HMGA2: variants seen among roughly 807,000 people sequenced by gnomAD.
HMGA2 encodes high mobility group protein HMGI-C.
A neutral mutation model predicts 19.1 loss-of-function variants in HMGA2; 8 were observed. The observed-to-expected ratio is 0.42, with a 90% CI of 0.25 to 0.76. HMGA2 has a LOEUF of 0.76. Among genes scored for constraint, HMGA2 ranks in the 30% least tolerant of loss-of-function variants. The pLI is 0.28. For missense variants in HMGA2, 109 were observed against 136.3 expected, an observed-to-expected ratio of 0.80 and a Z score of 1.00; for synonymous variants, 60 against 48.8, an observed-to-expected ratio of 1.23 and a Z score of -0.96.
At chr12:65,845,168 T>A (rs1209278892) in intron 3 of HMGA2, among the ~76,000 whole-genome samples, 1 of 152,238 alleles carries the variant, frequency 6.6e-6, no homozygotes, top group Non-Finnish European at 1.5e-5. Context: ...CACGTTTTTT[T>A]AACTAGGTAA....
chr12:65,933,877 G>C (rs1344963802), intron 3 of HMGA2, among the ~76,000 whole-genome samples: 1 of 152,154 alleles, frequency 6.6e-6, no homozygotes, highest in Non-Finnish European at 1.5e-5. Context: ...CACCATAATA[G>C]AGTGAAGAAA....
intron 3 of HMGA2, among the ~76,000 whole-genome samples, chr12:65,949,410 C>T (rs759107895): frequency 2.6e-5 from 4 of 151,976 alleles, no homozygotes; most frequent in Non-Finnish European, 5.9e-5. Context: ...GAATAGTGAA[C>T]GTATCCTAAG....
chr12:65,865,719 C>T (rs1232960649), intron 3 of HMGA2, among the ~76,000 whole-genome samples: 1 of 150,282 alleles, frequency 6.7e-6, no homozygotes, highest in Non-Finnish European at 1.5e-5. Context: ...ACTGCAAACT[C>T]CGTCTCCCAG....
chr12:65,867,373 G>A (rs1592401733), intron 3 of HMGA2: 1 of 362,004 alleles, frequency 2.8e-6, no homozygotes, highest in East Asian at 7.3e-5. Flanking sequence ...GAACTTCTAG[G>A]AACTTAATCT....
chr12:65,838,986 C>CTTT (rs1236837070), intron 3 of HMGA2, among the ~76,000 whole-genome samples: 13 of 91,350 alleles, frequency 1.4e-4, no homozygotes, highest in African/African-American at 2.1e-4. Flanking sequence ...CTTTTTCTTT[C>CTTT]TTTTTCTTTT....
chr12:65,849,727 A>G (rs963156385), intron 3 of HMGA2, among the ~76,000 whole-genome samples: 1 of 129,308 alleles, frequency 7.7e-6, no homozygotes, highest in African/African-American at 3.3e-5. Flanking sequence ...AGACAATGGT[A>G]GGCTCTGTAT....
At chr12:65,941,144 A>G (rs893093764) in intron 3 of HMGA2, among the ~76,000 whole-genome samples, 2 of 152,248 alleles carry the variant, frequency 1.3e-5, no homozygotes, top group African/African-American at 4.8e-5. Flanking sequence ...TGAGTAAGGT[A>G]GTTCAAGACA....
At chr12:65,836,354 G>A (rs371732269) in intron 2 of HMGA2, among the ~76,000 whole-genome samples, 1 of 142,578 alleles carries the variant, frequency 7.0e-6, no homozygotes, top group Admixed American at 6.9e-5. Flanking sequence ...GCGAGACTCC[G>A]TCTCAAAAAG....
intron 3 of HMGA2, chr12:65,914,802 G>A (rs1221815099): frequency 2.4e-6 from 1 of 415,202 alleles, no homozygotes; most frequent in Non-Finnish European, 4.6e-6. Flanking sequence ...AGGCTCCTGA[G>A]TAGTTGGGAT....
intron 3 of HMGA2, among the ~76,000 whole-genome samples, chr12:65,929,979 G>C (rs1875648722): frequency 6.6e-6 from 1 of 152,112 alleles, no homozygotes; most frequent in Non-Finnish European, 1.5e-5. Flanking sequence ...AAGAACTGTA[G>C]AGGGGGGAAA....
At chr12:65,851,666 A>G (rs1333711461) in intron 3 of HMGA2, 2 of 444,366 alleles carry the variant, frequency 4.5e-6, no homozygotes, top group Non-Finnish European at 9.0e-6. Context: ...TCTCAAAACA[A>G]CAACAACAAC....
At chr12:65,870,276 C>G (rs73327469) in intron 3 of HMGA2, among the ~76,000 whole-genome samples, 3,750 of 152,208 alleles carry the variant, frequency 0.025, 122 homozygotes, top group African/African-American at 0.081. Flanking sequence ...TAACCTTGTA[C>G]GAGCCTTGTA....
rs997862451 is a variant in HMGA2 at position 65,825,236 on chromosome 12, C to T, written c.-35C>T. 3 of 1,499,558 alleles carry T rather than the reference C, an allele frequency of 2.0e-6. No homozygotes were observed. Among genetic ancestry groups the T allele is most frequent in the South Asian group, 1.2e-5 (1 of 81,914 alleles). 92.9% of individuals were successfully genotyped at this position (1,499,558 alleles called of 1,614,324 possible). ...CAGCTCCGGGGCGGTCGAGGCGAAG[C>T]GGCTGCAGCGGCGGTAGCGGCGGCG... On this transcript the variant is annotated 5_prime_UTR_variant, in exon 1 of 5. Transcript: ENST00000403681. The surrounding 1 kb of genome is among the most constrained non-coding windows in gnomAD (Gnocchi z 4.4).
chr12:65,886,797 AG>A (rs1300554230), intron 3 of HMGA2, among the ~76,000 whole-genome samples: 3 of 152,168 alleles, frequency 2.0e-5, no homozygotes, highest in Admixed American at 6.5e-5. Context: ...TTCCAGACAA[AG>A]CTTCTCAACC....
intron 3 of HMGA2, among the ~76,000 whole-genome samples, chr12:65,866,323 T>C (rs1377839662): frequency 2.0e-5 from 3 of 152,160 alleles, no homozygotes; most frequent in East Asian, 1.9e-4. Context: ...TTTCAAGCCT[T>C]ATAAGAGCAA....
intron 3 of HMGA2, among the ~76,000 whole-genome samples, chr12:65,890,019 T>C (rs535444833): frequency 1.1e-4 from 16 of 152,298 alleles, no homozygotes; most frequent in African/African-American, 3.4e-4. Flanking sequence ...TGCTACAAAA[T>C]GGTCCTATAC....
At chr12:65,913,334 C>T (rs1444818683) in intron 3 of HMGA2, among the ~76,000 whole-genome samples, 1 of 152,180 alleles carries the variant, frequency 6.6e-6, no homozygotes, top group Non-Finnish European at 1.5e-5. Context: ...GGTCAGTCAT[C>T]TTGACTTCTG....
rs1456623874 is a variant in HMGA2, at chr12:65,857,321, CTG to C, written c.249+18756_249+18757del. 3.9e-5 allele frequency: 6 copies of C among 152,174 alleles called. No individual in the cohort carries two copies. The East Asian group carries it at 9.6e-4, about 24-fold the overall frequency. The allele number at this position is 152,174 out of a possible 1,614,324, so 9.4% of individuals were successfully genotyped here. A position where few individuals can be genotyped will look rare whatever the true frequency, so the allele number is the denominator to read the frequency against. ...CAAAAGCTTTTGCAGAGAACTGAAA[CTG>C]TGTCACAGAGCACCAGCACTGTATT... On this transcript the variant is annotated intron_variant, in intron 3 of 4. Transcript: ENST00000403681.
chr12:65,899,393 T>C (rs139515423), intron 3 of HMGA2, among the ~76,000 whole-genome samples: 120 of 152,338 alleles, frequency 7.9e-4, no homozygotes, highest in African/African-American at 2.3e-3. Context: ...CCTGATTCAG[T>C]ATTCACTCCA....
Sources: gnomAD v4.1 joint callset for allele counts (sites outside exome capture counted in the v4.1 genomes callset) on GRCh38, gnomAD v4.1.1 for gene constraint, Gnocchi (gnomAD v3.1) non-coding constraint, MANE v1.5 for transcripts, NCBI Gene and HGNC (gene_info 2026-07-23, HGNC 2026-07-21) for gene names.